Variants in DMD observed in about 807,000 individuals in gnomAD.
DMD encodes the protein mutant dystrophin.
Under a neutral mutation model 330.1 loss-of-function variants are expected in DMD, and 63 were observed. That is an observed-to-expected ratio of 0.19 (90% CI 0.16 to 0.24). DMD has a LOEUF of 0.24. Ranked by LOEUF, DMD falls within the 10% of genes least tolerant of loss-of-function variation. DMD has a pLI of 1.00. For synonymous variants in DMD, 1,223 were observed against 959.8 expected (o/e 1.27, Z -5.07); for missense variants, 3,344 against 2,684.1 (o/e 1.25, Z -5.43).
Position 31,679,381 on chromosome X carries a change from T to C in DMD, c.7866A>G (p.Glu2622=), listed in dbSNP as rs2082252626. The part of the protein sequence containing the change: ...TVDAIQKKIT[E]TKQLAKDLRQ... ...AGGTATCTTTGATACTAACCTTGGT[T>C]TCTGTGATTTTCTTTTGGATTGCAT... Residue 2622 remains glutamate, a synonymous_variant, in exon 53 of 79, where the codon GAA becomes GAG. Coordinates refer to ENST00000357033, the MANE Select transcript of DMD (RefSeq NM_004006.3). The C allele has an allele frequency of 8.3e-7, 1 of 1,203,711 alleles. No individual in the cohort carries two copies.
At chrX:32,795,664 A>G (rs1326157763) in intron 7 of DMD, among the ~76,000 whole-genome samples, 5 of 112,369 alleles carry the variant, frequency 4.4e-5, no homozygotes. Flanking sequence ...AGGATTCAAC[A>G]GAGTGAAGAG....
chrX:32,754,178 A>G (rs1486549835), intron 7 of DMD, among the ~76,000 whole-genome samples: 1 of 88,683 alleles, frequency 1.1e-5, no homozygotes, highest in Non-Finnish European at 2.0e-5. Flanking sequence ...AAATACTTTT[A>G]CATGTATGTA....
intron 63 of DMD, among the ~76,000 whole-genome samples, chrX:31,229,016 G>C (rs1230509480): frequency 4.5e-5 from 5 of 112,052 alleles, no homozygotes; most frequent in Admixed American, 2.8e-4. Context: ...TTTGAAACAT[G>C]AAACAAGTAA....
chrX:32,196,306 A>T (rs1429193976), intron 44 of DMD, among the ~76,000 whole-genome samples: 2 of 111,884 alleles, frequency 1.8e-5, no homozygotes, highest in South Asian at 3.7e-4. Context: ...TATAAAAAAA[A>T]TTTTTCACTT....
intron 1 of DMD, among the ~76,000 whole-genome samples, chrX:33,136,003 G>C (rs1036590856): frequency 4.5e-5 from 5 of 111,196 alleles, no homozygotes; most frequent in African/African-American, 6.5e-5. Flanking sequence ...TTGGCAGTGA[G>C]TGTATATTAT....
At chrX:31,865,465 T>C (rs757243699) in intron 48 of DMD, among the ~76,000 whole-genome samples, 49 of 112,386 alleles carry the variant, frequency 4.4e-4, no homozygotes, top group Non-Finnish European at 7.5e-4. Context: ...AAAAAATTTT[T>C]TTTAAAAATG....
intron 54 of DMD, among the ~76,000 whole-genome samples, chrX:31,644,203 C>T (rs1379964190): frequency 1.8e-5 from 2 of 111,611 alleles, no homozygotes; most frequent in East Asian, 2.8e-4. Flanking sequence ...CCTCTTAGAG[C>T]CAGTATGTTA....
intron 60 of DMD, among the ~76,000 whole-genome samples, 175 bp downstream of exon 60, chrX:31,444,306 A>G (rs1190304210): frequency 8.9e-6 from 1 of 111,932 alleles, no homozygotes; most frequent in African/African-American, 3.2e-5. Context: ...TCCAAAATTA[A>G]TATTAATAAT....
intron 17 of DMD, among the ~76,000 whole-genome samples, chrX:32,528,071 G>C (rs2047085677): frequency 8.9e-6 from 1 of 112,209 alleles, no homozygotes; most frequent in Non-Finnish European, 1.9e-5. Flanking sequence ...CACTTTGAGA[G>C]GCCGAGGCGG....
chrX:31,147,172 TAAG>T lies in DMD; in HGVS notation c.10797+100_10797+102del. The T allele has an allele frequency of 6.3e-6, 7 of 1,103,112 alleles. No individual in the cohort carries two copies. The South Asian group carries it at 1.3e-4, about 20-fold the overall frequency. 90.9% of individuals were successfully genotyped at this position (1,103,112 alleles called of 1,213,427 possible). A position where few individuals can be genotyped will look rare whatever the true frequency, so the allele number is the denominator to read the frequency against. ...ACTTTGCAGGCACATACCAAGCACT[TAAG>T]AATTGATGCTTGTTGCACCTATAAA... On this transcript the variant is annotated intron_variant, in intron 75 of 78. Coordinates refer to ENST00000357033, the MANE Select transcript of DMD (RefSeq NM_004006.3).
chrX:32,420,714 C>G (rs950525650), intron 29 of DMD, among the ~76,000 whole-genome samples: 2 of 111,911 alleles, frequency 1.8e-5, no homozygotes. Context: ...GCATCTCTGG[C>G]TTTCTGGACT....
At chrX:33,160,258 T>A (rs781690401) in intron 1 of DMD, among the ~76,000 whole-genome samples, 84 of 111,766 alleles carry the variant, frequency 7.5e-4, no homozygotes, top group Non-Finnish European at 5.1e-4. Context: ...TATGGTGGGT[T>A]TATTGGAACA....
At chrX:32,633,854 G>T (rs369612205) in intron 11 of DMD, among the ~76,000 whole-genome samples, 1 of 111,209 alleles carries the variant, frequency 9.0e-6, no homozygotes, top group Non-Finnish European at 1.9e-5. Flanking sequence ...GATCTTGCAA[G>T]AATTTACTCA....
At chrX:32,883,823 C>CAA (rs56150142) in intron 2 of DMD, among the ~76,000 whole-genome samples, 1,245 of 30,283 alleles carry the variant, frequency 0.041, 188 homozygotes, top group African/African-American at 0.065. Context: ...GACTCTGTTT[C>CAA]AAAAAAAAAA....
intron 1 of DMD, among the ~76,000 whole-genome samples, chrX:33,320,973 A>G (rs1228946800): frequency 8.9e-6 from 1 of 111,756 alleles, no homozygotes. Context: ...GATTTTAGGA[A>G]TTCAGCAACA....
At position 32,652,813 on chromosome X, in the gene DMD, C is replaced by G. The variant is rs1011130973; in HGVS notation, c.961-7661G>C. Reference sequence around the variant, plus strand: ...AAGTGCTCTTATTTCTCCACATCCTCTCCAGCACCTGTTGTTTCCTGACTT... The same window carrying G: ...AAGTGCTCTTATTTCTCCACATCCTGTCCAGCACCTGTTGTTTCCTGACTT... On this transcript the variant is annotated intron_variant, in intron 9 of 78. Coordinates refer to ENST00000357033, the MANE Select transcript of DMD (RefSeq NM_004006.3). 3.6e-5 allele frequency among the ~76,000 whole-genome samples: 4 copies of G among 111,788 alleles called. No homozygotes were observed. The Admixed American group carries it at 3.8e-4, about 11-fold the overall frequency.
At chrX:32,309,623 T>C (rs1377046062) in intron 42 of DMD, among the ~76,000 whole-genome samples, 3 of 111,404 alleles carry the variant, frequency 2.7e-5, no homozygotes, top group Non-Finnish European at 5.7e-5. Flanking sequence ...TTATTCCATA[T>C]GTTATAGCAC....
chrX:32,070,339 C>G (rs1224419524), intron 44 of DMD, among the ~76,000 whole-genome samples: 1 of 110,796 alleles, frequency 9.0e-6, no homozygotes, highest in East Asian at 2.9e-4. Context: ...AGTATTGCAG[C>G]CTCTGTGGAA....
chrX:33,179,961 T>C lies in DMD; in HGVS notation c.31+31321A>G, dbSNP rs769382276. ...AAGCAATTCTCCTGCCTCAGCTTCC[T>C]GAGTAGCTGGGATTACAGGTGTGCA... On this transcript the variant is annotated intron_variant, in intron 1 of 78. Coordinates refer to ENST00000357033, the MANE Select transcript of DMD (RefSeq NM_004006.3). 3.7e-5 allele frequency among the ~76,000 whole-genome samples: 4 copies of C among 108,859 alleles called. No individual in the cohort carries two copies. In the South Asian group the frequency reaches 1.7e-3, roughly 45 times the overall value. The allele number at this position is 108,859 out of a possible 115,157, so 94.5% of individuals were successfully genotyped here.
Sources: gnomAD v4.1 joint callset for allele counts (sites outside exome capture counted in the v4.1 genomes callset) on GRCh38, gnomAD v4.1.1 for gene constraint, MANE v1.5 for transcripts, NCBI Gene and HGNC (gene_info 2026-07-23, HGNC 2026-07-21) for gene names.